Variants in GREB1 observed in about 807,000 individuals in gnomAD.
The protein encoded by GREB1 is protein GREB1.
In GREB1, 106 loss-of-function variants were observed where a neutral mutation model predicts 200.7. The observed-to-expected ratio is 0.53, with a 90% CI of 0.45 to 0.62. The LOEUF (loss-of-function observed/expected upper bound fraction) is 0.62, where lower values mean the gene tolerates loss of function less well. Ranked by LOEUF, GREB1 falls within the 20% of genes least tolerant of loss-of-function variation. The probability of loss-of-function intolerance (pLI) is 0.00; values close to 1 mark genes in which losing one functional copy is unlikely to be tolerated. For missense variants in GREB1, 2,243 were observed against 2,556.8 expected (o/e 0.88, Z 2.65); for synonymous variants, 1,132 against 1,092.4 (o/e 1.04, Z -0.72).
chr2:11,569,781 G>C (rs1678071265), intron 4 of GREB1, among the ~76,000 whole-genome samples: 1 of 152,182 alleles, frequency 6.6e-6, no homozygotes, highest in Non-Finnish European at 1.5e-5. Context: ...GGAGGATGAA[G>C]GGCATCTCAG....
rs1232918162 is a variant in GREB1 at position 11,615,374 on chromosome 2, G to A, written c.3322+84G>A. 6.7e-6 allele frequency: 8 copies of A among 1,191,958 alleles called. No individual in the cohort carries two copies. In the Admixed American group the frequency reaches 1.2e-4, roughly 18 times the overall value. 73.8% of individuals were successfully genotyped at this position (1,191,958 alleles called of 1,614,324 possible). A position where few individuals can be genotyped will look rare whatever the true frequency, so the allele number is the denominator to read the frequency against. On this transcript the variant is annotated intron_variant, in intron 20 of 32. Transcript: ENST00000381486. Reference sequence around the variant, plus strand: ...GAGCTTTGAGGCTGCCTGTGCTTATGGAGACAGCTGTCTCCAGTTCAGCAG... The same window carrying A: ...GAGCTTTGAGGCTGCCTGTGCTTATAGAGACAGCTGTCTCCAGTTCAGCAG...
chr2:11,638,824 C>T lies in GREB1; in HGVS notation c.5686+15C>T, dbSNP rs765101792. The T allele has an allele frequency of 2.5e-5, 41 of 1,613,258 alleles. No individual in the cohort carries two copies. Among genetic ancestry groups the T allele is most frequent in the Non-Finnish European group, 3.4e-5 (40 of 1,179,592 alleles). On this transcript the variant is annotated intron_variant, in intron 32 of 32. Coordinates refer to ENST00000381486, the MANE Select transcript of GREB1 (RefSeq NM_014668.4). Reference sequence around the variant, plus strand: ...TTTTCTGAAAGGTAACTTTTGTACTCTTAACTCTGCACCTTGTCTTCAATG... The same window carrying T: ...TTTTCTGAAAGGTAACTTTTGTACTTTTAACTCTGCACCTTGTCTTCAATG...
At chr2:11,571,660 AG>A (rs1212779594) in intron 4 of GREB1, among the ~76,000 whole-genome samples, 1 of 152,184 alleles carries the variant, frequency 6.6e-6, no homozygotes, top group African/African-American at 2.4e-5. Context: ...TCTTCCTAAC[AG>A]GGACCATTTC....
At chr2:11,571,484 G>T (rs1250778342) in intron 4 of GREB1, among the ~76,000 whole-genome samples, 1 of 152,222 alleles carries the variant, frequency 6.6e-6, no homozygotes, top group Non-Finnish European at 1.5e-5. Flanking sequence ...CATCTATAAA[G>T]GGGATAAAGA....
chr2:11,495,796 G>GTTTTT (rs71393887), intron 1 of GREB1, among the ~76,000 whole-genome samples: 1 of 137,010 alleles, frequency 7.3e-6, no homozygotes, highest in Non-Finnish European at 1.6e-5. Flanking sequence ...AAGTCCCCCC[G>GTTTTT]TTTTTTTTTT....
chr2:11,596,923 T>G (rs1572866258), intron 13 of GREB1, among the ~76,000 whole-genome samples: 9 of 26,852 alleles, frequency 3.4e-4, no homozygotes, highest in Admixed American at 4.8e-4. Flanking sequence ...GTGTGTACAG[T>G]GAGAGGGGGC....
intron 1 of GREB1, among the ~76,000 whole-genome samples, chr2:11,510,838 A>G (rs924941521): frequency 1.3e-5 from 2 of 151,836 alleles, no homozygotes; most frequent in African/African-American, 2.4e-5. Context: ...ACACCCGGCT[A>G]TTTTTTGTAT....
intron 14 of GREB1, 147 bp from the exon 15 acceptor site, chr2:11,598,533 G>C: frequency 1.4e-6 from 1 of 734,960 alleles, no homozygotes; most frequent in East Asian, 2.5e-5. Context: ...ACCTGTGTGG[G>C]AGTTTTTTCC....
chr2:11,580,236 G>A lies in GREB1; in HGVS notation c.773-468G>A, dbSNP rs543951767. 3.3e-5 allele frequency among the ~76,000 whole-genome samples: 5 copies of A among 152,234 alleles called. No individual in the cohort carries two copies. The highest frequency in any genetic ancestry group is 9.6e-5 in the African/African-American group (4 of 41,524). On this transcript the variant is annotated intron_variant, in intron 6 of 32. Transcript: ENST00000381486. The surrounding 1 kb of genome is among the most constrained non-coding windows in gnomAD (Gnocchi z 4.5). ...CTGCAATTCAAAGTGGAATTTGGGCGGGGACACAGCCAAACCGTATCAACC... is the reference window on the plus strand; with the variant it reads ...CTGCAATTCAAAGTGGAATTTGGGCAGGGACACAGCCAAACCGTATCAACC...
intron 19 of GREB1, among the ~76,000 whole-genome samples, chr2:11,614,176 G>A (rs1249241495): frequency 6.7e-6 from 1 of 149,586 alleles, no homozygotes; most frequent in Non-Finnish European, 1.5e-5. Flanking sequence ...GCCCAGGCTG[G>A]AGTGCAGTGG....
chr2:11,512,470 C>T (rs1274879272), intron 1 of GREB1, among the ~76,000 whole-genome samples: 1 of 152,166 alleles, frequency 6.6e-6, no homozygotes, highest in Admixed American at 6.5e-5. Context: ...GGGTGTGATT[C>T]CTGCAAGGAT....
rs1572911933 is a variant in GREB1 at position 11,610,831 on chromosome 2, A to G, written c.2810A>G (p.Asn937Ser). 1 of 1,613,200 alleles carries G rather than the reference A, an allele frequency of 6.2e-7. No individual in the cohort carries two copies. Among genetic ancestry groups the G allele is most frequent in the Non-Finnish European group, 8.5e-7 (1 of 1,179,900 alleles). The change falls in exon 18 of 33, where the codon AAC (asparagine) becomes AGC (serine). Residue 937 changes from asparagine (N) to serine (S), a missense_variant. Coordinates refer to ENST00000381486, the MANE Select transcript of GREB1 (RefSeq NM_014668.4). Reference sequence around the variant, plus strand: ...CTGGAGATCACGCAGAACCTCCTCAACTCCCCGAAGCAGTGCCCCTGCGGC... The same window carrying G: ...CTGGAGATCACGCAGAACCTCCTCAGCTCCCCGAAGCAGTGCCCCTGCGGC... ...ETLEITQNLL[N>S]SPKQCPCGHG...
chr2:11,486,005 G>A (rs1672647387), intron 1 of GREB1, among the ~76,000 whole-genome samples: 1 of 152,184 alleles, frequency 6.6e-6, no homozygotes, highest in Admixed American at 6.5e-5. Context: ...AGGAAAGGCT[G>A]TGGGATGGGC....
At chr2:11,602,679 C>G (rs1445419687) in intron 17 of GREB1, 137 bp downstream of exon 17, 9 of 711,780 alleles carry the variant, frequency 1.3e-5, no homozygotes, top group Non-Finnish European at 1.7e-5. Context: ...CTAAATGTAC[C>G]CTGGTTTTTT....
chr2:11,562,682 C>T, intron 3 of GREB1, 100 bp downstream of exon 3: 1 of 1,330,916 alleles, frequency 7.5e-7, no homozygotes, highest in Non-Finnish European at 1.0e-6. Flanking sequence ...CTGCAGGGGT[C>T]CTCTTTGCTC....
intron 4 of GREB1, among the ~76,000 whole-genome samples, chr2:11,570,179 G>T (rs1188720197): frequency 6.6e-6 from 1 of 151,988 alleles, no homozygotes; most frequent in East Asian, 1.9e-4. Context: ...GAGGCTGCGG[G>T]GAGTGGATCA....
At chr2:11,639,176 G>A (rs904602255) in intron 32 of GREB1, among the ~76,000 whole-genome samples, 5 of 152,156 alleles carry the variant, frequency 3.3e-5, no homozygotes, top group Non-Finnish European at 7.4e-5. Context: ...TGCAACTTCT[G>A]CCTCCTGGGT....
At chr2:11,635,171 G>A (rs113312735) in intron 29 of GREB1, 99 bp from the exon 30 acceptor site, 2 of 1,268,502 alleles carry the variant, frequency 1.6e-6, no homozygotes, top group Non-Finnish European at 2.2e-6. Flanking sequence ...CACCTTCATA[G>A]CCCCCTACGA....
intron 1 of GREB1, among the ~76,000 whole-genome samples, chr2:11,520,175 C>A (rs1673654973): frequency 6.6e-6 from 1 of 152,180 alleles, no homozygotes; most frequent in Non-Finnish European, 1.5e-5. Context: ...TAAGTACTTA[C>A]CATAATACTC....
Sources: allele counts gnomAD v4.1 joint callset (sites outside exome capture counted in the v4.1 genomes callset), GRCh38; gene constraint gnomAD v4.1.1; non-coding constraint Gnocchi (gnomAD v3.1); transcripts MANE v1.5; gene names NCBI Gene and HGNC (gene_info 2026-07-23, HGNC 2026-07-21).